HS2ST1: variants seen among roughly 807,000 people sequenced by gnomAD.
The protein encoded by HS2ST1 is 2-O-sulfotransferase.
Under a neutral mutation model 42.9 loss-of-function variants are expected in HS2ST1, and 18 were observed. That is an observed-to-expected ratio of 0.42 (90% CI 0.29 to 0.62). The LOEUF (loss-of-function observed/expected upper bound fraction) is 0.62, where lower values mean the gene tolerates loss of function less well. HS2ST1 is among the 20% of genes least tolerant of loss of function. HS2ST1 has a pLI of 0.21. For synonymous variants in HS2ST1, 146 were observed against 152.9 expected (o/e 0.95, Z 0.33); for missense variants, 334 against 433.8 (o/e 0.77, Z 2.04).
intron 1 of HS2ST1, among the ~76,000 whole-genome samples, chr1:87,056,563 G>A (rs944943594): frequency 9.2e-5 from 14 of 152,216 alleles, no homozygotes; most frequent in African/African-American, 3.1e-4. Flanking sequence ...TGAACTTGTC[G>A]CTGTAAGGAA....
chr1:86,985,368 G>GTATATATA (rs1553135008), intron 1 of HS2ST1, among the ~76,000 whole-genome samples: 1 of 26,914 alleles, frequency 3.7e-5, no homozygotes, highest in African/African-American at 8.1e-5. Context: ...AAAAAAAAAA[G>GTATATATA]TATATATATA....
chr1:87,070,159 C>G lies in HS2ST1; in HGVS notation c.125-2775C>G, dbSNP rs1570527712. On this transcript the variant is annotated intron_variant, in intron 1 of 6. Transcript: ENST00000370550. ...GTCTGTGTTGCTAGAGGAAACCTCT[C>G]ACGCTTCTGTCAGCGCTTAAATGCC... 2.0e-5 allele frequency among the ~76,000 whole-genome samples: 3 copies of G among 152,266 alleles called. No individual in the cohort carries two copies. The South Asian group carries it at 6.2e-4, about 32-fold the overall frequency.
At chr1:86,973,691 A>C (rs1427350249) in intron 1 of HS2ST1, among the ~76,000 whole-genome samples, 2 of 152,196 alleles carry the variant, frequency 1.3e-5, no homozygotes, top group African/African-American at 4.8e-5. Context: ...TTTTTTTCCC[A>C]AAACCTTATA....
chr1:86,956,575 AC>A (rs1647684620), intron 1 of HS2ST1: 1 of 152,220 alleles, frequency 6.6e-6, no homozygotes, highest in South Asian at 2.1e-4. Context: ...GGTGAGAGGT[AC>A]TTTTTTTCTT....
At chr1:86,986,973 A>C (rs200089361) in intron 1 of HS2ST1, among the ~76,000 whole-genome samples, 2 of 151,458 alleles carry the variant, frequency 1.3e-5, no homozygotes, top group Non-Finnish European at 2.9e-5. Flanking sequence ...GCCTGGGTAG[A>C]TACTCCCTGT....
chr1:86,937,837 T>C (rs1307946545), intron 1 of HS2ST1, among the ~76,000 whole-genome samples: 2 of 152,132 alleles, frequency 1.3e-5, no homozygotes, highest in African/African-American at 4.8e-5. Flanking sequence ...TGGCATTCGT[T>C]GGTACCTTCT....
intron 1 of HS2ST1, among the ~76,000 whole-genome samples, chr1:86,995,326 T>G (rs1489194137): frequency 6.6e-6 from 1 of 152,230 alleles, no homozygotes; most frequent in Non-Finnish European, 1.5e-5. Flanking sequence ...TTTAATTACC[T>G]TGGTGTTTAA....
At chr1:86,979,737 T>C (rs1428284179) in intron 1 of HS2ST1, among the ~76,000 whole-genome samples, 1 of 152,208 alleles carries the variant, frequency 6.6e-6, no homozygotes, top group Non-Finnish European at 1.5e-5. Context: ...GTGGAATTGC[T>C]CAGTCATACG....
intron 1 of HS2ST1, among the ~76,000 whole-genome samples, chr1:87,058,086 G>A (rs1237424746): frequency 6.6e-6 from 1 of 151,584 alleles, no homozygotes; most frequent in Non-Finnish European, 1.5e-5. Context: ...TACTGTAGAG[G>A]AGAAATTGAT....
chr1:86,974,715 T>C (rs988790894), intron 1 of HS2ST1, among the ~76,000 whole-genome samples: 31 of 152,286 alleles, frequency 2.0e-4, no homozygotes, highest in African/African-American at 7.0e-4. Context: ...CTGCAGAGAA[T>C]TGGAGCATTG....
intron 4 of HS2ST1, among the ~76,000 whole-genome samples, chr1:87,096,208 AAGTT>A (rs1652063876): frequency 6.6e-6 from 1 of 152,190 alleles, no homozygotes; most frequent in Admixed American, 6.5e-5. Flanking sequence ...GTAGTTTCAA[AAGTT>A]AGTTGCAATG....
intron 1 of HS2ST1, among the ~76,000 whole-genome samples, chr1:86,919,945 A>C (rs1660256563): frequency 6.6e-6 from 1 of 152,230 alleles, no homozygotes; most frequent in Non-Finnish European, 1.5e-5. Context: ...AAAACTATTT[A>C]ACTGTGACTC....
chr1:87,062,180 T>A (rs1174242509), intron 1 of HS2ST1, among the ~76,000 whole-genome samples: 1 of 152,178 alleles, frequency 6.6e-6, no homozygotes, highest in African/African-American at 2.4e-5. Context: ...ATTTGCTTAT[T>A]TTCATTTTCA....
chr1:87,055,027 A>G (rs931085130), intron 1 of HS2ST1, among the ~76,000 whole-genome samples: 1 of 152,148 alleles, frequency 6.6e-6, no homozygotes, highest in Non-Finnish European at 1.5e-5. Flanking sequence ...CTAAAAACTC[A>G]AACACATAAA....
chr1:87,019,216 A>G (rs961264127), intron 1 of HS2ST1, among the ~76,000 whole-genome samples: 7 of 152,326 alleles, frequency 4.6e-5, no homozygotes, highest in African/African-American at 1.7e-4. Flanking sequence ...GCATACATTT[A>G]TTAATTTCCT....
chr1:87,039,640 C>T (rs1026357952), intron 1 of HS2ST1, among the ~76,000 whole-genome samples: 1 of 152,172 alleles, frequency 6.6e-6, no homozygotes, highest in Non-Finnish European at 1.5e-5. Flanking sequence ...TATATCAGTT[C>T]AGTAATCTAT....
At chr1:86,919,623 A>T (rs1473047330) in intron 1 of HS2ST1, among the ~76,000 whole-genome samples, 2 of 152,116 alleles carry the variant, frequency 1.3e-5, no homozygotes, top group Non-Finnish European at 2.9e-5. Context: ...AACCTCGGGG[A>T]CCCATAAATA....
intron 1 of HS2ST1, among the ~76,000 whole-genome samples, chr1:86,930,871 G>T (rs1268567674): frequency 2.0e-5 from 3 of 152,004 alleles, no homozygotes; most frequent in African/African-American, 7.2e-5. Flanking sequence ...GAGAAATTAA[G>T]AGATGAGGCA....
intron 1 of HS2ST1, among the ~76,000 whole-genome samples, chr1:86,988,142 T>C (rs772538436): frequency 2.6e-5 from 4 of 152,226 alleles, no homozygotes; most frequent in Admixed American, 1.3e-4. Flanking sequence ...TTTTTAAAAA[T>C]AGCCTTTTCT....
Sources: gnomAD v4.1 joint callset for allele counts (sites outside exome capture counted in the v4.1 genomes callset) on GRCh38, gnomAD v4.1.1 for gene constraint, MANE v1.5 for transcripts, NCBI Gene and HGNC (gene_info 2026-07-23, HGNC 2026-07-21) for gene names.